Variants in TENM1 observed in about 807,000 individuals in gnomAD.
The protein encoded by TENM1 is teneurin transmembrane protein 1.
In TENM1, 35 loss-of-function variants were observed where a neutral mutation model predicts 174.8. The ratio of observed to expected loss-of-function variants is 0.20; its 90% CI spans 0.15 to 0.27. The LOEUF (loss-of-function observed/expected upper bound fraction) is 0.27, where lower values mean the gene tolerates loss of function less well. TENM1 is among the 10% of genes least tolerant of loss of function. The pLI, the probability that TENM1 is intolerant of heterozygous loss-of-function variation, is 1.00. For synonymous variants in TENM1, 781 were observed against 798.7 expected (o/e 0.98, Z 0.37); for missense variants, 1,633 against 2,130.1 (o/e 0.77, Z 4.59).
chrX:124,971,294 A>T, the TENM1 span, among the ~76,000 whole-genome samples: 16 of 111,591 alleles, frequency 1.4e-4, no homozygotes, highest in Admixed American at 4.7e-4. Context: ...ATAATAATAA[A>T]AAAAAGTACA....
the TENM1 span, among the ~76,000 whole-genome samples, chrX:125,168,011 TTGTG>T: frequency 9.0e-6 from 1 of 111,330 alleles, no homozygotes; most frequent in Non-Finnish European, 1.9e-5. Context: ...GTAGACATGC[TTGTG>T]TGTGTGTATG....
At chrX:124,896,072 T>C (rs778599528) in exon 2 of TENM1, 6 of 1,211,568 alleles carry the variant, frequency 5.0e-6, no homozygotes, top group Non-Finnish European at 5.6e-6. Flanking sequence ...TATGCTCTGA[T>C]TTCATTCCCC....
At chrX:124,495,740 A>C (rs2047184630) in intron 20 of TENM1, among the ~76,000 whole-genome samples, 1 of 102,850 alleles carries the variant, frequency 9.7e-6, no homozygotes, top group African/African-American at 3.7e-5. Flanking sequence ...AAATGGAAGA[A>C]CATTCCATGC....
chrX:124,997,890 C>T, the TENM1 span, among the ~76,000 whole-genome samples: 121 of 109,967 alleles, frequency 1.1e-3, no homozygotes, highest in African/African-American at 3.7e-3. Flanking sequence ...TTCTTTACAC[C>T]ACCCTGGAAA....
intron 18 of TENM1, among the ~76,000 whole-genome samples, chrX:124,505,599 C>T (rs1398350854): frequency 9.0e-6 from 1 of 111,464 alleles, no homozygotes; most frequent in East Asian, 2.8e-4. Context: ...TGGGCTCAGG[C>T]AAGTTATTCT....
chrX:124,663,750 A>C, intron 6 of TENM1, among the ~76,000 whole-genome samples: 1 of 102,484 alleles, frequency 9.8e-6, no homozygotes, highest in Non-Finnish European at 1.9e-5. Context: ...GGTGTGTATT[A>C]GTTTTTTTTT....
rs1232636507 is a variant in TENM1, at chrX:124,644,259, A to G, written c.1876+884T>C. ...ATAATCATCACACCAAAATTCTACT[A>G]TCGCTAATGGGAGGTGAAAAGCTAA... On this transcript the variant is annotated intron_variant, in intron 10 of 31. Transcript: ENST00000422452. 2.9e-5 allele frequency among the ~76,000 whole-genome samples: 3 copies of G among 103,299 alleles called. No homozygotes were observed. The Admixed American group carries it at 3.2e-4, about 11-fold the overall frequency. 89.7% of individuals were successfully genotyped at this position (103,299 alleles called of 115,157 possible). A position where few individuals can be genotyped will look rare whatever the true frequency, so the allele number is the denominator to read the frequency against.
intron 1 of TENM1, among the ~76,000 whole-genome samples, chrX:124,932,405 G>C (rs73547668): frequency 0.015 from 1,735 of 112,097 alleles, 36 homozygotes; most frequent in African/African-American, 0.053. Context: ...GAATTCAAAA[G>C]ACCTCTATAC....
chrX:124,420,716 C>T (rs771360600), exon 25 of TENM1: 1 of 1,211,148 alleles, frequency 8.3e-7, no homozygotes, highest in Non-Finnish European at 1.1e-6. Context: ...GCTGATGGTA[C>T]GAATTCGAAC....
At chrX:124,438,031 T>C (rs1234932048) in intron 23 of TENM1, among the ~76,000 whole-genome samples, 1 of 111,472 alleles carries the variant, frequency 9.0e-6, no homozygotes, top group Non-Finnish European at 1.9e-5. Flanking sequence ...AGAGTGGGAG[T>C]AGGTTTAAAG....
chrX:124,825,721 A>G (rs1231747966), intron 3 of TENM1, among the ~76,000 whole-genome samples: 2 of 112,113 alleles, frequency 1.8e-5, no homozygotes, highest in Non-Finnish European at 3.8e-5. Flanking sequence ...TATTATTTCA[A>G]ACATGCATCG....
Position 124,955,797 on chromosome X carries a change from G to GCACACAAA in TENM1, c.217+7739_217+7740insTTTGTGTG, listed in dbSNP as rs1556430461. The stretch of plus-strand genomic sequence containing the variant: ...ATAAACAGATACAACACACGCGCAC[G>GCACACAAA]CACACACACACACACACACACACAC... On this transcript the variant is annotated intron_variant, in intron 1 of 31. Coordinates refer to ENST00000422452, the Ensembl canonical transcript of TENM1. Among the ~76,000 whole-genome samples, 777 of 91,234 alleles carry GCACACAAA rather than the reference G, an allele frequency of 8.5e-3. 5 individuals are homozygous for GCACACAAA. Among genetic ancestry groups the GCACACAAA allele is most frequent in the African/African-American group, 0.033 (697 of 20,952 alleles). The allele number at this position is 91,234 out of a possible 115,157, so 79.2% of individuals were successfully genotyped here.
chrX:124,998,933 T>C, the TENM1 span, among the ~76,000 whole-genome samples: 4 of 111,624 alleles, frequency 3.6e-5, no homozygotes, highest in Non-Finnish European at 7.6e-5. Context: ...GCCTATTCAC[T>C]AGGAGGAATC....
At chrX:124,585,434 C>T (rs2148230897) in intron 11 of TENM1, among the ~76,000 whole-genome samples, 1 of 111,360 alleles carries the variant, frequency 9.0e-6, no homozygotes, top group East Asian at 2.8e-4. Context: ...TCCTGAATGA[C>T]TACTGGGTAC....
the TENM1 span, among the ~76,000 whole-genome samples, chrX:125,200,407 C>T: frequency 9.0e-6 from 1 of 110,958 alleles, no homozygotes; most frequent in African/African-American, 3.3e-5. Context: ...GTCACAATTG[C>T]TAAATTCTGT....
rs182703436 is a variant in TENM1 at position 124,626,472 on chromosome X, T to C, written c.2077+15319A>G. Among the ~76,000 whole-genome samples, 849 of 111,795 alleles carry C rather than the reference T, an allele frequency of 7.6e-3. 2 individuals carry two copies. Among genetic ancestry groups the C allele is most frequent in the Non-Finnish European group, 0.012 (639 of 53,174 alleles). On this transcript the variant is annotated intron_variant, in intron 11 of 31. Coordinates refer to ENST00000422452, the Ensembl canonical transcript of TENM1. ...AACAGCCACCATAAAACTTGACAGA[T>C]GTCAGGTGGACTGCTGCTGAATGCC...
the TENM1 span, among the ~76,000 whole-genome samples, chrX:125,091,112 CAG>C: frequency 9.2e-6 from 1 of 109,236 alleles, no homozygotes; most frequent in Non-Finnish European, 1.9e-5. Flanking sequence ...TAGAAAATGA[CAG>C]ATGATGACAG....
intron 3 of TENM1, among the ~76,000 whole-genome samples, chrX:124,837,022 TA>T (rs1228605919): frequency 8.9e-6 from 1 of 112,438 alleles, no homozygotes; most frequent in Non-Finnish European, 1.9e-5. Context: ...CAAGCTGGTA[TA>T]ATCTAGATTC....
chrX:124,994,971 C>T, the TENM1 span, among the ~76,000 whole-genome samples: 2 of 111,082 alleles, frequency 1.8e-5, no homozygotes, highest in African/African-American at 6.5e-5. Flanking sequence ...TACAATCTAG[C>T]CCCTGTTGAT....
Sources: gnomAD v4.1 joint callset for allele counts (sites outside exome capture counted in the v4.1 genomes callset) on GRCh38, gnomAD v4.1.1 for gene constraint, MANE v1.5 for transcripts, NCBI Gene and HGNC (gene_info 2026-07-23, HGNC 2026-07-21) for gene names.